Variants in MIA2 observed in about 807,000 individuals in gnomAD.
The protein encoded by MIA2 is melanoma inhibitory activity protein 2.
A neutral mutation model predicts 167.8 loss-of-function variants in MIA2; 127 were observed. The ratio of observed to expected loss-of-function variants is 0.76; its 90% confidence interval spans 0.66 to 0.88. The LOEUF (loss-of-function observed/expected upper bound fraction) is 0.88. Among genes scored for constraint, MIA2 ranks in the 40% least tolerant of loss-of-function variants. The pLI is 0.00. For missense variants in MIA2, 1,690 were observed against 1,624.7 expected (o/e 1.04, Z -0.69); for synonymous variants, 552 against 541.9 (o/e 1.02, Z -0.26).
At chr14:39,372,027 G>T (rs1312624702) in intron 23 of MIA2, among the ~76,000 whole-genome samples, 1 of 151,958 alleles carries the variant, frequency 6.6e-6, no homozygotes, top group Non-Finnish European at 1.5e-5. Context: ...CTGTCTTGGG[G>T]TGAATTTCCA....
intron 19 of MIA2, among the ~76,000 whole-genome samples, chr14:39,314,080 A>G (rs2064870741): frequency 6.6e-6 from 1 of 152,166 alleles, no homozygotes; most frequent in Admixed American, 6.6e-5. Context: ...ATTTCCTAGA[A>G]TTCTATTAAG....
At chr14:39,385,965 C>A in intron 23 of MIA2, 1 of 818,498 alleles carries the variant, frequency 1.2e-6, no homozygotes, top group Admixed American at 2.0e-5. Context: ...GACCAGGAGC[C>A]TGTCCGCCAC....
chr14:39,311,404 A>G (rs964345450), intron 18 of MIA2, among the ~76,000 whole-genome samples: 4 of 146,738 alleles, frequency 2.7e-5, no homozygotes, highest in Admixed American at 2.1e-4. Context: ...CTGATATACC[A>G]TTTTCCCAAA....
intron 6 of MIA2, chr14:39,266,528 G>A: frequency 1.0e-6 from 1 of 985,504 alleles, no homozygotes; most frequent in Non-Finnish European, 1.2e-6. Context: ...GGTGACTCAG[G>A]TAAGCGAGGA....
intron 25 of MIA2, among the ~76,000 whole-genome samples, chr14:39,337,467 A>C (rs1398186667): frequency 1.3e-5 from 2 of 152,354 alleles, no homozygotes; most frequent in African/African-American, 4.8e-5. Context: ...AAGTTACCCA[A>C]CAGCAGCAGA....
chr14:39,279,212 T>C (rs992179312), intron 7 of MIA2, 125 bp from the exon 8 acceptor site: 5 of 724,152 alleles, frequency 6.9e-6, no homozygotes, highest in Non-Finnish European at 1.1e-5. Context: ...AGAATACTTT[T>C]GGCTTGTATT....
chr14:39,275,849 A>G (rs902603351), intron 6 of MIA2, among the ~76,000 whole-genome samples: 3 of 152,188 alleles, frequency 2.0e-5, no homozygotes, highest in African/African-American at 7.2e-5. Flanking sequence ...GTAAAGGGAT[A>G]TTTTTTAGAA....
chr14:39,255,650 A>G (rs2152643637), intron 6 of MIA2, among the ~76,000 whole-genome samples: 1 of 152,336 alleles, frequency 6.6e-6, no homozygotes, highest in East Asian at 1.9e-4. Context: ...ACTTTTTGGT[A>G]TGTCTTGCTG....
intron 23 of MIA2, among the ~76,000 whole-genome samples, chr14:39,384,509 AT>A (rs967852405): frequency 6.6e-5 from 10 of 151,634 alleles, no homozygotes; most frequent in East Asian, 1.9e-4. Context: ...TATTTTTTTA[AT>A]TTTTTTTTAA....
intron 6 of MIA2, chr14:39,265,538 C>A (rs973555145): frequency 1.4e-6 from 1 of 720,116 alleles, no homozygotes; most frequent in Non-Finnish European, 2.3e-6. Context: ...CTTTTTTTTT[C>A]ATTTTATCCT....
In MIA2 at chr14:39,386,436, C is replaced by G; in HGVS notation, c.2249-449C>G. ...TTAACAAGGCTGTTTCTAGCAGAAC[C>G]TTTTGGAGAACTACATCTCTGATTG... On this transcript the variant is annotated intron_variant, in intron 23 of 23. Transcript: ENST00000341502. 1.9e-6 allele frequency: 3 copies of G among 1,549,666 alleles called. No individual in the cohort carries two copies. In the South Asian group the frequency reaches 3.3e-5, roughly 17 times the overall value.
At chr14:39,277,599 T>C (rs1232434374) in intron 7 of MIA2, among the ~76,000 whole-genome samples, 9 of 143,274 alleles carry the variant, frequency 6.3e-5, no homozygotes, top group Admixed American at 3.5e-4. Flanking sequence ...TCCTCCTGCC[T>C]CGGCCTCCCA....
intron 27 of MIA2, 66 bp from the exon 28 acceptor site, chr14:39,348,677 G>A: frequency 1.9e-6 from 3 of 1,586,942 alleles, no homozygotes; most frequent in Non-Finnish European, 2.6e-6. Context: ...TTCTAAGCCT[G>A]AGATTTTCGG....
At chr14:39,294,779 C>T in intron 12 of MIA2, 146 bp from the exon 13 acceptor site, 1 of 644,172 alleles carries the variant, frequency 1.6e-6, no homozygotes, top group Non-Finnish European at 2.8e-6. Flanking sequence ...CTAGACAAGC[C>T]TTTTTTCTGC....
At chr14:39,337,352 C>G (rs540860655) in intron 25 of MIA2, among the ~76,000 whole-genome samples, 1 of 152,258 alleles carries the variant, frequency 6.6e-6, no homozygotes, top group Admixed American at 6.5e-5. Flanking sequence ...CTTCAACACC[C>G]CTCTCTCGGC....
At chr14:39,234,677 C>T (rs763490702) in intron 1 of MIA2, among the ~76,000 whole-genome samples, 4 of 152,036 alleles carry the variant, frequency 2.6e-5, no homozygotes, top group East Asian at 1.9e-4. Context: ...ATTCTCATGA[C>T]GTTCCTAAAA....
At position 39,247,431 on chromosome 14, in the gene MIA2, C is replaced by G. The variant is rs769384693; in HGVS notation, c.857C>G (p.Ser286Ter). ...HQQESESEID[S>*]VPKTQSELAS... ...CAAGAATCTGAATCAGAAATTGATT[C>G]AGTGCCAAAGACACAGTCTGAACTA... is the stretch of plus-strand genomic sequence containing the variant. Residue 286 changes from serine to a stop codon, truncating the protein, a stop_gained, in exon 4 of 29, where the codon TCA (serine) becomes TGA (stop). Coordinates refer to ENST00000640607, the MANE Select transcript of MIA2 (RefSeq NM_001329214.4). LOFTEE classifies it high-confidence loss of function. 1.9e-6 allele frequency: 3 copies of G among 1,614,022 alleles called. No individual in the cohort carries two copies. In the South Asian group the frequency reaches 3.3e-5, roughly 18 times the overall value.
intron 15 of MIA2, among the ~76,000 whole-genome samples, chr14:39,303,083 T>C (rs1343380157): frequency 6.6e-6 from 1 of 152,188 alleles, no homozygotes; most frequent in Non-Finnish European, 1.5e-5. Flanking sequence ...TTATTATATA[T>C]AAAATAATCC....
At chr14:39,375,179 A>G (rs2075022434) in intron 23 of MIA2, among the ~76,000 whole-genome samples, 1 of 152,212 alleles carries the variant, frequency 6.6e-6, no homozygotes, top group African/African-American at 2.4e-5. Context: ...TTTTTCATTT[A>G]TGGACAAAGC....
Sources: gnomAD v4.1 joint callset for allele counts (sites outside exome capture counted in the v4.1 genomes callset) on GRCh38, gnomAD v4.1.1 for gene constraint, MANE v1.5 for transcripts, NCBI Gene and HGNC (gene_info 2026-07-23, HGNC 2026-07-21) for gene names.